Variants in RNLS observed in about 807,000 individuals in gnomAD.
RNLS encodes renalase.
Under a neutral mutation model 39.8 loss-of-function variants are expected in RNLS, and 39 were observed. The observed-to-expected ratio is 0.98, with a 90% CI of 0.76 to 1.28. RNLS has a LOEUF of 1.28. RNLS is among the 50% of genes most tolerant of loss of function. The pLI, the probability that RNLS is intolerant of heterozygous loss-of-function variation, is 0.00. For missense variants in RNLS, 410 were observed against 413.3 expected (o/e 0.99, Z 0.07); for synonymous variants, 147 against 150.7 (o/e 0.98, Z 0.18).
intron 4 of RNLS, among the ~76,000 whole-genome samples, chr10:88,395,681 AT>A (rs1449964855): frequency 1.3e-5 from 2 of 152,078 alleles, no homozygotes; most frequent in Non-Finnish European, 2.9e-5. Flanking sequence ...GAATATATAT[AT>A]AAATAATGGC....
At chr10:88,502,623 G>A (rs971567316) in intron 4 of RNLS, among the ~76,000 whole-genome samples, 9 of 152,086 alleles carry the variant, frequency 5.9e-5, no homozygotes, top group Non-Finnish European at 1.0e-4. Flanking sequence ...CCACCCTCAG[G>A]TATTTTGTTA....
chr10:88,469,898 T>A lies in RNLS; in HGVS notation c.526+103005A>T, dbSNP rs1041631969. On this transcript the variant is annotated intron_variant, in intron 4 of 6. Transcript: ENST00000331772. ...TTTCTAAATTTCTTACACCTAAAGT[T>A]ATGTTGAATACATACATACATATAT... 1.7e-4 allele frequency among the ~76,000 whole-genome samples: 25 copies of A among 143,610 alleles called. No homozygotes were observed. The East Asian group carries it at 3.4e-3, about 20-fold the overall frequency. The allele number at this position is 143,610 out of a possible 152,430, so 94.2% of individuals were successfully genotyped here.
At chr10:88,225,547 CT>C in the RNLS span, among the ~76,000 whole-genome samples, 2 of 152,170 alleles carry the variant, frequency 1.3e-5, no homozygotes, top group South Asian at 4.1e-4. Context: ...GACCTCATAT[CT>C]ACAGAAAATT....
At chr10:88,568,067 T>C (rs1267769349) in intron 4 of RNLS, among the ~76,000 whole-genome samples, 5 of 152,148 alleles carry the variant, frequency 3.3e-5, no homozygotes, top group African/African-American at 1.2e-4. Flanking sequence ...TTCAATGACT[T>C]GACGGGCCAG....
intron 5 of RNLS, among the ~76,000 whole-genome samples, chr10:88,354,663 C>T (rs755282453): frequency 1.3e-5 from 2 of 152,130 alleles, no homozygotes; most frequent in Non-Finnish European, 2.9e-5. Context: ...TCCTTCATTT[C>T]AACTTTGGTG....
At chr10:88,497,994 T>C (rs1450359662) in intron 4 of RNLS, among the ~76,000 whole-genome samples, 1 of 151,680 alleles carries the variant, frequency 6.6e-6, no homozygotes, top group Non-Finnish European at 1.5e-5. Context: ...TTTATCTGGA[T>C]ATGATTCAGG....
chr10:88,264,247 T>C, the RNLS span, among the ~76,000 whole-genome samples: 9 of 152,338 alleles, frequency 5.9e-5, no homozygotes, highest in African/African-American at 1.9e-4. Context: ...GCTGGTTCCA[T>C]ATGTTTGCAA....
intron 4 of RNLS, among the ~76,000 whole-genome samples, chr10:88,396,481 G>A (rs1052958788): frequency 4.0e-5 from 6 of 150,830 alleles, no homozygotes; most frequent in African/African-American, 1.2e-4. Flanking sequence ...AAATATATTA[G>A]TATTAATAAT....
rs139128119 is a variant in RNLS, at chr10:88,509,926, G to C, written c.526+62977C>G. ...AACAATATAGGACTGTTTCTGCCAAGATGACTTATCAAGCCCCATTCCACC... is the reference window on the plus strand; with the variant it reads ...AACAATATAGGACTGTTTCTGCCAACATGACTTATCAAGCCCCATTCCACC... On this transcript the variant is annotated intron_variant, in intron 4 of 6. Coordinates refer to ENST00000331772, the MANE Select transcript of RNLS (RefSeq NM_001031709.3). Among the ~76,000 whole-genome samples, 1,480 of 152,244 alleles carry C rather than the reference G, an allele frequency of 9.7e-3. 15 individuals carry two copies. The highest frequency in any genetic ancestry group is 0.013 in the Non-Finnish European group (853 of 68,004).
intron 6 of RNLS, among the ~76,000 whole-genome samples, chr10:88,287,959 C>A (rs1215100126): frequency 6.6e-6 from 1 of 152,050 alleles, no homozygotes; most frequent in East Asian, 1.9e-4. Context: ...AAACTCAAAA[C>A]CCAGACAAGA....
chr10:88,253,455 G>T, the RNLS span, among the ~76,000 whole-genome samples: 1 of 152,196 alleles, frequency 6.6e-6, no homozygotes, highest in Non-Finnish European at 1.5e-5. Flanking sequence ...GGACAGGGGT[G>T]CCAGATGGAC....
intron 4 of RNLS, among the ~76,000 whole-genome samples, chr10:88,431,293 A>G (rs1855121580): frequency 6.6e-6 from 1 of 151,420 alleles, no homozygotes; most frequent in Non-Finnish European, 1.5e-5. Flanking sequence ...GTGTAGATAT[A>G]CCAGTATCTC....
chr10:88,294,234 G>A (rs1005467210), intron 6 of RNLS, among the ~76,000 whole-genome samples: 1 of 152,158 alleles, frequency 6.6e-6, no homozygotes, highest in Non-Finnish European at 1.5e-5. Context: ...TACACACACA[G>A]GGAGAAGTGT....
intron 6 of RNLS, among the ~76,000 whole-genome samples, chr10:88,309,163 G>A (rs914388090): frequency 1.9e-4 from 29 of 152,030 alleles, no homozygotes; most frequent in African/African-American, 6.8e-4. Context: ...AGGATCAGGA[G>A]AAATAATGGG....
At chr10:88,200,907 T>A in the RNLS span, among the ~76,000 whole-genome samples, 9 of 152,164 alleles carry the variant, frequency 5.9e-5, no homozygotes, top group Non-Finnish European at 1.0e-4. Flanking sequence ...TGGCTACTCT[T>A]AGGCTTCCAG....
chr10:88,449,654 A>G (rs1842252773), intron 4 of RNLS, among the ~76,000 whole-genome samples: 1 of 152,186 alleles, frequency 6.6e-6, no homozygotes, highest in Admixed American at 6.5e-5. Flanking sequence ...GAGGAATATA[A>G]AAGACGTCTC....
Position 88,418,997 on chromosome 10 carries a change from G to A in RNLS, c.527-56272C>T, listed in dbSNP as rs184410401. On this transcript the variant is annotated intron_variant, in intron 4 of 6. Transcript: ENST00000331772. ...GGCCTACTTTCTCCTGTTCTCTCTT[G>A]CTGAGCCCTGAAAGGTGAGCCCCAA... Among the ~76,000 whole-genome samples the A allele has an allele frequency of 3.9e-5, 6 of 152,222 alleles. No individual in the cohort carries two copies. The East Asian group carries it at 7.7e-4, about 20-fold the overall frequency.
chr10:88,452,009 T>C lies in RNLS; in HGVS notation c.527-89284A>G, dbSNP rs552507132. Among the ~76,000 whole-genome samples the C allele has an allele frequency of 1.8e-4, 28 of 152,312 alleles. No homozygotes were observed. In the East Asian group the frequency reaches 4.8e-3, roughly 26 times the overall value. On this transcript the variant is annotated intron_variant, in intron 4 of 6. Coordinates refer to ENST00000331772, the MANE Select transcript of RNLS (RefSeq NM_001031709.3). ...TAGAAGGAGTCTCTGTCTTTTCATA[T>C]GGAGAACAGGAATAACACATATTTT...
At chr10:88,196,246 TTTAA>T in the RNLS span, among the ~76,000 whole-genome samples, 2 of 152,224 alleles carry the variant, frequency 1.3e-5, no homozygotes, top group African/African-American at 4.8e-5. Context: ...AGGGTTTGTC[TTTAA>T]TTGTCTTCTT....
Sources: gnomAD v4.1 joint callset for allele counts (sites outside exome capture counted in the v4.1 genomes callset) on GRCh38, gnomAD v4.1.1 for gene constraint, MANE v1.5 for transcripts, NCBI Gene and HGNC (gene_info 2026-07-23, HGNC 2026-07-21) for gene names.